FHIP1A: variants seen among roughly 807,000 people sequenced by gnomAD.
FHIP1A encodes the protein FHF complex subunit HOOK interacting protein 1A.
Under a neutral mutation model 88.6 loss-of-function variants are expected in FHIP1A, and 61 were observed. That is an observed-to-expected ratio of 0.69 (90% CI 0.56 to 0.85). The LOEUF is 0.85. Ranked by LOEUF, FHIP1A falls within the 40% of genes least tolerant of loss-of-function variation. The pLI is 0.00. For missense variants in FHIP1A, 1,154 were observed against 1,273.5 expected (o/e 0.91, Z 1.43); for synonymous variants, 478 against 496.0 (o/e 0.96, Z 0.48).
At chr4:151,420,879 C>T (rs1465703194) in intron 1 of FHIP1A, among the ~76,000 whole-genome samples, 2 of 152,356 alleles carry the variant, frequency 1.3e-5, no homozygotes, top group East Asian at 3.9e-4. Context: ...CTAATTAATT[C>T]CCCACAGGAC....
At chr4:151,511,237 A>G (rs572687812) in intron 3 of FHIP1A, among the ~76,000 whole-genome samples, 1 of 152,378 alleles carries the variant, frequency 6.6e-6, no homozygotes, top group South Asian at 2.1e-4. Context: ...TATTTTACAA[A>G]TGGATAATAT....
In FHIP1A at chr4:151,664,538, C is replaced by T. The variant is rs1232883116; in HGVS notation, c.*1784C>T. Among the ~76,000 whole-genome samples, 3 of 152,230 alleles carry T rather than the reference C, an allele frequency of 2.0e-5. No homozygotes were observed. Among genetic ancestry groups the T allele is most frequent in the Non-Finnish European group, 4.4e-5 (3 of 68,042 alleles). The stretch of plus-strand genomic sequence containing the variant: ...TGTTTGTCTTGACAAATGGTTTGCT[C>T]AGCTGTGGTGCAGCAGCCAGAAGGG... On this transcript the variant is annotated 3_prime_UTR_variant, in exon 14 of 14. Transcript: ENST00000435205.
intron 7 of FHIP1A, among the ~76,000 whole-genome samples, chr4:151,609,384 A>G (rs1735208475): frequency 1.3e-5 from 2 of 152,160 alleles, no homozygotes; most frequent in African/African-American, 4.8e-5. Flanking sequence ...AAGATGATGT[A>G]CCCAGACATT....
At chr4:151,611,306 C>T (rs1046796264) in intron 7 of FHIP1A, among the ~76,000 whole-genome samples, 3 of 151,928 alleles carry the variant, frequency 2.0e-5, no homozygotes, top group Admixed American at 6.6e-5. Flanking sequence ...TCTTAAATGT[C>T]GTGGAAGTCC....
chr4:151,470,170 G>A (rs1729459563), intron 2 of FHIP1A, among the ~76,000 whole-genome samples: 1 of 152,166 alleles, frequency 6.6e-6, no homozygotes, highest in South Asian at 2.1e-4. Context: ...TTAAGCCAGA[G>A]GTTAGTGCCT....
chr4:151,500,877 C>T (rs932952614), intron 3 of FHIP1A, among the ~76,000 whole-genome samples: 1 of 152,124 alleles, frequency 6.6e-6, no homozygotes, highest in Admixed American at 6.5e-5. Flanking sequence ...TTACTCACCA[C>T]GGACACACCA....
intron 1 of FHIP1A, among the ~76,000 whole-genome samples, chr4:151,437,871 A>C (rs1728259819): frequency 6.6e-6 from 1 of 152,204 alleles, no homozygotes; most frequent in Non-Finnish European, 1.5e-5. Flanking sequence ...CACAAAATCT[A>C]TGTTCAGTTG....
intron 3 of FHIP1A, among the ~76,000 whole-genome samples, chr4:151,505,233 G>T (rs1283172640): frequency 6.6e-6 from 1 of 152,208 alleles, no homozygotes; most frequent in Non-Finnish European, 1.5e-5. Flanking sequence ...CTGTAGCCTG[G>T]AAAATGGGGG....
chr4:151,441,865 A>G (rs1442161799), intron 1 of FHIP1A, among the ~76,000 whole-genome samples: 2 of 152,138 alleles, frequency 1.3e-5, no homozygotes, highest in Non-Finnish European at 2.9e-5. Flanking sequence ...TGGCTTTCTA[A>G]TTTTTCAGGC....
At chr4:151,661,925 C>A (rs1340638669) in intron 13 of FHIP1A, among the ~76,000 whole-genome samples, 1 of 152,218 alleles carries the variant, frequency 6.6e-6, no homozygotes, top group African/African-American at 2.4e-5. Context: ...AAGGAATCTT[C>A]CGCTCTCCTT....
Position 151,662,533 on chromosome 4 carries a change from G to T in FHIP1A, c.2902G>T (p.Gly968Cys), listed in dbSNP as rs1227890758. Reference protein sequence around the residue: ...PIQEASRTGSGKNLLDGPPRV... With the variant: ...PIQEASRTGSCKNLLDGPPRV... ...TCAGGAGGCTTCCAGGACAGGAAGT[G>T]GCAAGAACCTTTTGGATGGACCTCC... Residue 968 changes from glycine to cysteine, a missense_variant, in exon 14 of 14, where the codon GGC becomes TGC. Physicochemically the swap from Gly to Cys is radical, Grantham distance 159. Coordinates refer to ENST00000435205, the MANE Select transcript of FHIP1A (RefSeq NM_001109977.3). 6.5e-7 allele frequency: 1 copy of T among 1,546,668 alleles called. No individual in the cohort carries two copies. Among genetic ancestry groups the T allele is most frequent in the South Asian group, 1.2e-5 (1 of 83,528 alleles).
At chr4:151,580,464 A>G (rs1733978861) in intron 5 of FHIP1A, among the ~76,000 whole-genome samples, 1 of 152,254 alleles carries the variant, frequency 6.6e-6, no homozygotes, top group Admixed American at 6.5e-5. Flanking sequence ...TTATCAGAGT[A>G]GTAAGTATTA....
chr4:151,472,302 A>AT (rs201571469), intron 2 of FHIP1A, among the ~76,000 whole-genome samples: 156 of 150,190 alleles, frequency 1.0e-3, no homozygotes, highest in South Asian at 8.4e-3. Flanking sequence ...TCAGACCATG[A>AT]TTTTTTTTTT....
chr4:151,646,830 CAG>C, intron 10 of FHIP1A, 82 bp downstream of exon 10: 2 of 944,902 alleles, frequency 2.1e-6, no homozygotes, highest in Non-Finnish European at 3.2e-6. Context: ...TTTGGGTAGA[CAG>C]GGAATTATGT....
intron 11 of FHIP1A, among the ~76,000 whole-genome samples, chr4:151,655,383 C>G (rs1190549592): frequency 6.6e-6 from 1 of 152,186 alleles, no homozygotes; most frequent in East Asian, 1.9e-4. Flanking sequence ...TCTAGTGACC[C>G]AAAGTAGCAG....
At chr4:151,413,474 A>G (rs1732756994) in intron 1 of FHIP1A, among the ~76,000 whole-genome samples, 1 of 152,024 alleles carries the variant, frequency 6.6e-6, no homozygotes, top group African/African-American at 2.4e-5. Context: ...TTATTTTTTG[A>G]GGCAGAGTCT....
chr4:151,482,402 T>G (rs779603771), intron 2 of FHIP1A, 122 bp from the exon 3 acceptor site: 1 of 152,116 alleles, frequency 6.6e-6, no homozygotes, highest in Non-Finnish European at 1.5e-5. Flanking sequence ...TGAAGACAAA[T>G]GCACACTGGG....
At chr4:151,630,339 G>C (rs1277125053) in intron 8 of FHIP1A, among the ~76,000 whole-genome samples, 1 of 152,042 alleles carries the variant, frequency 6.6e-6, no homozygotes, top group Non-Finnish European at 1.5e-5. Context: ...TTGAAGCTCT[G>C]ATTAACTTGA....
At chr4:151,415,057 T>C (rs764391975) in intron 1 of FHIP1A, among the ~76,000 whole-genome samples, 5 of 152,238 alleles carry the variant, frequency 3.3e-5, no homozygotes, top group Non-Finnish European at 1.5e-5. Flanking sequence ...AACTTTCAAC[T>C]TGGTTTTTAT....
Sources: allele counts gnomAD v4.1 joint callset (sites outside exome capture counted in the v4.1 genomes callset), GRCh38; gene constraint gnomAD v4.1.1; transcripts MANE v1.5; gene names NCBI Gene and HGNC (gene_info 2026-07-23, HGNC 2026-07-21).